Variants in CAMK2D observed in about 807,000 individuals in gnomAD.
CAMK2D encodes the protein calcium/calmodulin-dependent protein kinase type II subunit delta.
In CAMK2D, 37 loss-of-function variants were observed where a neutral mutation model predicts 84.0. That is an observed-to-expected ratio of 0.44 (90% CI 0.34 to 0.58). The LOEUF (loss-of-function observed/expected upper bound fraction) is 0.58, where lower values mean the gene tolerates loss of function less well. CAMK2D is among the 20% of genes least tolerant of loss of function. The pLI is 0.02. For missense variants in CAMK2D, 448 were observed against 652.5 expected (o/e 0.69, Z 3.41); for synonymous variants, 202 against 212.5 (o/e 0.95, Z 0.43).
intron 4 of CAMK2D, among the ~76,000 whole-genome samples, chr4:113,558,745 G>A (rs1452189473): frequency 6.6e-6 from 1 of 152,004 alleles, no homozygotes; most frequent in African/African-American, 2.4e-5. Context: ...GGTGGCTCAC[G>A]CCTATACTCC....
chr4:113,616,974 A>G (rs1026373873), intron 3 of CAMK2D, among the ~76,000 whole-genome samples: 1 of 152,198 alleles, frequency 6.6e-6, no homozygotes, highest in African/African-American at 2.4e-5. Context: ...ACTCATTTCA[A>G]GAGTATTGAA....
At chr4:113,725,830 C>T (rs145593175) in intron 2 of CAMK2D, among the ~76,000 whole-genome samples, 1 of 152,140 alleles carries the variant, frequency 6.6e-6, no homozygotes, top group East Asian at 1.9e-4. Flanking sequence ...TAAATGGACA[C>T]TAAATTTGGA....
intron 2 of CAMK2D, among the ~76,000 whole-genome samples, chr4:113,679,146 T>C (rs1291022258): frequency 2.0e-5 from 3 of 152,116 alleles, no homozygotes; most frequent in African/African-American, 7.2e-5. Flanking sequence ...AATAACATTG[T>C]TAAGAGCTGC....
rs2099295793 is a variant in CAMK2D at position 113,672,744 on chromosome 4, T to C, written c.161-10972A>G. On this transcript the variant is annotated intron_variant, in intron 2 of 20. Coordinates refer to ENST00000511664, the MANE Select transcript of CAMK2D (RefSeq NM_001321571.2). ...ATTCTATATTCTTTGTTTACCACAT[T>C]TGTGAATGCTTTCATTTCCTATACA... Among the ~76,000 whole-genome samples the C allele has an allele frequency of 3.3e-5, 5 of 151,984 alleles. 1 individual carries two copies. In the South Asian group the frequency reaches 1.0e-3, roughly 32 times the overall value.
At chr4:113,582,555 A>G in intron 4 of CAMK2D, among the ~76,000 whole-genome samples, 1 of 142,302 alleles carries the variant, frequency 7.0e-6, no homozygotes, top group East Asian at 2.0e-4. Flanking sequence ...TTTACCTTAA[A>G]GAAGCGAGCT....
At chr4:113,548,637 T>C in intron 5 of CAMK2D, 2 of 1,263,384 alleles carry the variant, frequency 1.6e-6, no homozygotes, top group South Asian at 1.3e-5. Flanking sequence ...GATTCAGATT[T>C]ATGGACTCCA....
At chr4:113,462,314 G>A (rs868055420) in intron 17 of CAMK2D, among the ~76,000 whole-genome samples, 1,918 of 105,400 alleles carry the variant, frequency 0.018, 30 homozygotes, top group Non-Finnish European at 0.024. Context: ...CTGTCTGTCT[G>A]TCTGTCTGTC....
At chr4:113,662,870 GA>G (rs1298279920) in intron 2 of CAMK2D, among the ~76,000 whole-genome samples, 2 of 152,210 alleles carry the variant, frequency 1.3e-5, no homozygotes, top group Non-Finnish European at 2.9e-5. Flanking sequence ...GACACACTCT[GA>G]AAACCACTCG....
At chr4:113,454,640 C>G (rs749154446) in intron 20 of CAMK2D, 125 bp from the exon 21 acceptor site, 10 of 652,534 alleles carry the variant, frequency 1.5e-5, no homozygotes, top group Non-Finnish European at 2.8e-5. Context: ...ATTGAAAACA[C>G]TATGTATAAG....
chr4:113,583,341 A>G (rs1317383825), intron 4 of CAMK2D, among the ~76,000 whole-genome samples: 2 of 152,232 alleles, frequency 1.3e-5, no homozygotes, highest in Non-Finnish European at 2.9e-5. Context: ...AAAAATATCA[A>G]TCTCTACTGA....
At chr4:113,698,783 T>C (rs540655265) in intron 2 of CAMK2D, among the ~76,000 whole-genome samples, 2 of 152,142 alleles carry the variant, frequency 1.3e-5, no homozygotes, top group Admixed American at 1.3e-4. Context: ...GTTTACAGAG[T>C]GTGATCCAAT....
chr4:113,613,889 A>AGAGC (rs1305788174), intron 3 of CAMK2D, among the ~76,000 whole-genome samples: 3 of 151,994 alleles, frequency 2.0e-5, no homozygotes, highest in Non-Finnish European at 4.4e-5. Flanking sequence ...TGTGCGAGAG[A>AGAGC]GAGCGAGCGA....
chr4:113,677,900 G>C (rs1182193590), intron 2 of CAMK2D, among the ~76,000 whole-genome samples: 1 of 151,950 alleles, frequency 6.6e-6, no homozygotes, highest in African/African-American at 2.4e-5. Flanking sequence ...ATATGCATAG[G>C]ATAGTATCTA....
rs191119517 is a variant in CAMK2D, at chr4:113,678,247, T to C, written c.161-16475A>G. Among the ~76,000 whole-genome samples the C allele has an allele frequency of 1.8e-3, 275 of 152,242 alleles. 3 individuals carry two copies. Among genetic ancestry groups the C allele is most frequent in the African/African-American group, 6.3e-3 (262 of 41,536 alleles). On this transcript the variant is annotated intron_variant, in intron 2 of 20. Transcript: ENST00000511664. ...AAAGAAGCTGAACAGCAGAGAAAGG[T>C]GGATCTGAGAGCTCTTTAGCAGGCT...
chr4:113,571,154 G>T (rs2098751605), intron 4 of CAMK2D, among the ~76,000 whole-genome samples: 1 of 152,206 alleles, frequency 6.6e-6, no homozygotes, highest in Non-Finnish European at 1.5e-5. Context: ...AAGTGGTGAG[G>T]ATGTGGAGAA....
At position 113,465,537 on chromosome 4, in the gene CAMK2D, T is replaced by C. The variant is rs55774285; in HGVS notation, c.1203A>G (p.Glu401=). The C allele has an allele frequency of 8.9e-5, 143 of 1,609,400 alleles. No individual in the cohort carries two copies. The African/African-American group carries it at 1.7e-3, about 19-fold the overall frequency. ...LIEAINNGDF[E]AYTKICDPGL... ...AAACGTCCGCTACTCACGTGTAGGCTTCAAAGTCCCCATTGTTGATAGCTT... is the reference window on the plus strand; with the variant it reads ...AAACGTCCGCTACTCACGTGTAGGCCTCAAAGTCCCCATTGTTGATAGCTT... The change falls in exon 17 of 21, where the codon GAA becomes GAG. Residue 401 remains glutamate, a synonymous_variant. Coordinates refer to ENST00000511664, the MANE Select transcript of CAMK2D (RefSeq NM_001321571.2).
intron 5 of CAMK2D, chr4:113,548,720 T>A (rs2098601960): frequency 6.4e-7 from 1 of 1,570,230 alleles, no homozygotes; most frequent in South Asian, 1.1e-5. Flanking sequence ...GAATCTGCTG[T>A]ATACAATGAC....
At position 113,564,733 on chromosome 4, in the gene CAMK2D, C is replaced by T. The variant is rs115458140; in HGVS notation, c.276-12637G>A. Among the ~76,000 whole-genome samples, 1,429 of 152,220 alleles carry T rather than the reference C, an allele frequency of 9.4e-3. 12 individuals carry two copies. The highest frequency in any genetic ancestry group is 0.017 in the Non-Finnish European group (1,128 of 68,004). ...CAGTTAAAAAAGGGAAGTGGAACTA[C>T]GGGTATTTTTTATTATTAACATTTT... On this transcript the variant is annotated intron_variant, in intron 4 of 20. Coordinates refer to ENST00000511664, the MANE Select transcript of CAMK2D (RefSeq NM_001321571.2).
intron 3 of CAMK2D, among the ~76,000 whole-genome samples, chr4:113,614,025 T>A (rs2099011719): frequency 6.6e-6 from 1 of 152,120 alleles, no homozygotes; most frequent in South Asian, 2.1e-4. Flanking sequence ...TGATGACACA[T>A]GTTAGAAACA....
Sources: gnomAD v4.1 joint callset for allele counts (sites outside exome capture counted in the v4.1 genomes callset) on GRCh38, gnomAD v4.1.1 for gene constraint, MANE v1.5 for transcripts, NCBI Gene and HGNC (gene_info 2026-07-23, HGNC 2026-07-21) for gene names.